The following TAGLN variants were observed in gnomAD, a reference collection of about 807,000 sequenced individuals.
TAGLN encodes the protein transgelin, also known as 22 kDa actin-binding protein.
Under a neutral mutation model 21.9 loss-of-function variants are expected in TAGLN, and 16 were observed. That is an observed-to-expected ratio of 0.73 (90% CI 0.49 to 1.11). The LOEUF (loss-of-function observed/expected upper bound fraction) is 1.11, where lower values mean the gene tolerates loss of function less well. Among genes scored for constraint, TAGLN ranks in the 50% least tolerant of loss-of-function variants. The probability of loss-of-function intolerance (pLI) is 0.00; values close to 1 mark genes in which losing one functional copy is unlikely to be tolerated. For missense variants in TAGLN, 248 were observed against 263.2 expected, an observed-to-expected ratio of 0.94 and a Z score of 0.40; for synonymous variants, 96 against 94.9, an observed-to-expected ratio of 1.01 and a Z score of -0.06.
intron 1 of TAGLN, chr11:117,201,856 G>A (rs1180143512): frequency 1.3e-5 from 2 of 152,344 alleles, no homozygotes; most frequent in Non-Finnish European, 1.5e-5. Flanking sequence ...GGATGGGTTC[G>A]GCTTCCTTTG....
chr11:117,204,353 CAGTT>C lies in TAGLN; in HGVS notation c.603_606del (p.Ser201ArgfsTer39), dbSNP rs761312959. ...GCTACGGACGACCTCGGCAGATCAT[CAGTT>C]AGAGCGGAGAGGGCTAGCCCTGAGC... On this transcript the variant is annotated frameshift_variant and stop_lost, in exon 5 of 5. Transcript: ENST00000392951. LOFTEE classifies it high-confidence loss of function. 16 of 1,614,124 alleles carry C rather than the reference CAGTT, an allele frequency of 9.9e-6. No homozygotes were observed. Among genetic ancestry groups the C allele is most frequent in the Non-Finnish European group, 1.4e-5 (16 of 1,180,052 alleles).
Position 117,203,351 on chromosome 11 carries a change from G to C in TAGLN, c.225G>C (p.Lys75Asn). The C allele has an allele frequency of 6.2e-7, 1 of 1,614,220 alleles. No individual in the cohort carries two copies. Among genetic ancestry groups the C allele is most frequent in the Non-Finnish European group, 8.5e-7 (1 of 1,180,038 alleles). ...LVNSLYPDGSKPVKVPENPPS... is the reference protein window; with the variant it reads ...LVNSLYPDGSNPVKVPENPPS... ...ACAGCCTGTACCCTGATGGCTCCAAGCCGGTGAAGGTGCCCGAGAACCCAC... is the reference window on the plus strand; with the variant it reads ...ACAGCCTGTACCCTGATGGCTCCAACCCGGTGAAGGTGCCCGAGAACCCAC... Residue 75 changes from lysine (K) to asparagine (N), a missense_variant, in exon 3 of 5, where the codon AAG becomes AAC. Lys to Asn is a moderately conservative substitution (Grantham distance 94, BLOSUM62 0). Coordinates refer to ENST00000392951, the MANE Select transcript of TAGLN (RefSeq NM_003186.5). This position sits in a 1 kb window ranked among gnomAD's most constrained non-coding sequence, Gnocchi z 4.4.
chr11:117,206,186 C>T lies in TAGLN; in HGVS notation c.*1827C>T. The T allele has an allele frequency of 1.9e-6, 3 of 1,613,990 alleles. No homozygotes were observed. The highest frequency in any genetic ancestry group is 2.5e-6 in the Non-Finnish European group (3 of 1,179,936). On this transcript the variant is annotated 3_prime_UTR_variant, in exon 5 of 5. Coordinates refer to ENST00000392951, the MANE Select transcript of TAGLN (RefSeq NM_003186.5). ...CTGGATCCTTGCTGCTGCAAAGTGG[C>T]ACTGATTCTAGCTCTGTCCCTTCCT...
Position 117,204,659 on chromosome 11 carries a change from G to A in TAGLN, c.*300G>A, listed in dbSNP as rs973367737. The A allele has an allele frequency of 2.0e-6, 1 of 488,342 alleles. No individual in the cohort carries two copies. 30.3% of individuals were successfully genotyped at this position (488,342 alleles called of 1,614,324 possible). A position where few individuals can be genotyped will look rare whatever the true frequency, so the allele number is the denominator to read the frequency against. Reference sequence around the variant, plus strand: ...AGCGGGCTGGGGGTAGCCTGGATGTGGGCCAAGTCCACTGTCCTCCTTGGC... The same window carrying A: ...AGCGGGCTGGGGGTAGCCTGGATGTAGGCCAAGTCCACTGTCCTCCTTGGC... On this transcript the variant is annotated 3_prime_UTR_variant, in exon 5 of 5. Coordinates refer to ENST00000392951, the MANE Select transcript of TAGLN (RefSeq NM_003186.5).
chr11:117,201,412 A>G (rs1435630121), intron 1 of TAGLN: 1 of 152,202 alleles, frequency 6.6e-6, no homozygotes, highest in Admixed American at 6.5e-5. Context: ...GGCAGCAAAG[A>G]ACTGACATTT....
rs2239678 is a variant in TAGLN at position 117,199,880 on chromosome 11, C to T, written c.-13+448C>T. The T allele has an allele frequency of 0.07, 10,608 of 152,314 alleles. 404 individuals are homozygous for T. The highest frequency in any genetic ancestry group is 0.11 in the Middle Eastern group (33 of 296). 9.4% of individuals were successfully genotyped at this position (152,314 alleles called of 1,614,324 possible). On this transcript the variant is annotated intron_variant, in intron 1 of 4. Transcript: ENST00000392951. Reference sequence around the variant, plus strand: ...GTTGGAGCACGGTGTCCCACTCTGGCGGGTCCCCAGGGCCTGAGCAGCAGC... The same window carrying T: ...GTTGGAGCACGGTGTCCCACTCTGGTGGGTCCCCAGGGCCTGAGCAGCAGC...
In TAGLN at chr11:117,205,598, A is replaced by G. The variant is rs2031320462; in HGVS notation, c.*1239A>G. The G allele has an allele frequency of 2.9e-5, 7 of 242,336 alleles. No individual in the cohort carries two copies. The highest frequency in any genetic ancestry group is 1.6e-5 in the Non-Finnish European group (2 of 124,614). 15.0% of individuals were successfully genotyped at this position (242,336 alleles called of 1,614,324 possible). ...CCTCTACCCCGAAGTCCTCTTCCCA[A>G]GTGACCCCAGTGATGTTTCCATTGA... On this transcript the variant is annotated 3_prime_UTR_variant, in exon 5 of 5. Transcript: ENST00000392951.
At position 117,204,583 on chromosome 11, in the gene TAGLN, C is replaced by T. The variant is rs1379424670; in HGVS notation, c.*224C>T. On this transcript the variant is annotated 3_prime_UTR_variant, in exon 5 of 5. Coordinates refer to ENST00000392951, the MANE Select transcript of TAGLN (RefSeq NM_003186.5). ...CATCACTGCCTTGGCCCCTCCCTCC[C>T]GGCTGCCCCCATCACCTCTACTGTC... 17 of 676,310 alleles carry T rather than the reference C, an allele frequency of 2.5e-5. No homozygotes were observed. The highest frequency in any genetic ancestry group is 7.0e-5 in the African/African-American group (4 of 57,004). The allele number at this position is 676,310 out of a possible 1,614,324, so 41.9% of individuals were successfully genotyped here. A position where few individuals can be genotyped will look rare whatever the true frequency, so the allele number is the denominator to read the frequency against.
Position 117,203,188 on chromosome 11 carries a change from G to A in TAGLN, c.175G>A (p.Gly59Ser), listed in dbSNP as rs1200991665. The A allele has an allele frequency of 6.3e-7, 1 of 1,589,544 alleles. No homozygotes were observed. The highest frequency in any genetic ancestry group is 8.6e-7 in the Non-Finnish European group (1 of 1,165,018). ...GGGCTTCCAGGTCTGGCTGAAGAAT[G>A]GCGTGGTGAGTGGCACCCTGGGCTA... ...RLGFQVWLKN[G>S]VILSKLVNSL... The change falls in exon 2 of 5, where the codon GGC becomes AGC. Residue 59 changes from glycine to serine, a missense_variant. Gly to Ser is a moderately conservative substitution (Grantham distance 56). Coordinates refer to ENST00000392951, the MANE Select transcript of TAGLN (RefSeq NM_003186.5). This position sits in a 1 kb window ranked among gnomAD's most constrained non-coding sequence, Gnocchi z 4.4.
chr11:117,204,550 C>A lies in TAGLN; in HGVS notation c.*191C>A. On this transcript the variant is annotated 3_prime_UTR_variant, in exon 5 of 5. Transcript: ENST00000392951. ...CCCCCAGCCTCAGCCCAACTTCTTA[C>A]CCGAAAGCATCACTGCCTTGGCCCC... 1.2e-6 allele frequency: 1 copy of A among 846,880 alleles called. No individual in the cohort carries two copies. Among genetic ancestry groups the A allele is most frequent in the Non-Finnish European group, 1.9e-6 (1 of 522,112 alleles). The allele number at this position is 846,880 out of a possible 1,614,324, so 52.5% of individuals were successfully genotyped here. A position where few individuals can be genotyped will look rare whatever the true frequency, so the allele number is the denominator to read the frequency against.
At chr11:117,201,602 C>T (rs2031096822) in intron 1 of TAGLN, 1 of 152,268 alleles carries the variant, frequency 6.6e-6, no homozygotes, top group Non-Finnish European at 1.5e-5. Flanking sequence ...GGTAACATAA[C>T]CCCCACTTCA....
rs1454318217 is a variant in TAGLN, at chr11:117,206,648, A to G, written c.*2289A>G. On this transcript the variant is annotated 3_prime_UTR_variant, in exon 5 of 5. Coordinates refer to ENST00000392951, the MANE Select transcript of TAGLN (RefSeq NM_003186.5). ...TCCATCCCCCAGACAGGACAGTCCCATCTACCCGCAGCTTGAGTCTTGGCC... is the reference window on the plus strand; with the variant it reads ...TCCATCCCCCAGACAGGACAGTCCCGTCTACCCGCAGCTTGAGTCTTGGCC... 4.8e-6 allele frequency: 3 copies of G among 624,474 alleles called. No individual in the cohort carries two copies. Among genetic ancestry groups the G allele is most frequent in the African/African-American group, 1.9e-5 (1 of 52,612 alleles). The allele number at this position is 624,474 out of a possible 1,614,324, so 38.7% of individuals were successfully genotyped here.
At chr11:117,202,790 A>G (rs1007353896) in intron 1 of TAGLN, 12 of 424,778 alleles carry the variant, frequency 2.8e-5, no homozygotes, top group Non-Finnish European at 5.0e-5. Context: ...CCTGCTCTAG[A>G]CCTCCAAAGA....
rs999044499 is a variant in TAGLN, at chr11:117,199,415, G to C, written c.-30G>C. ...GACACAAGTCTTCACTCCTTCCTGCGAGCCCTGAGGAAGCCTTGTGAGTGC... is the reference window on the plus strand; with the variant it reads ...GACACAAGTCTTCACTCCTTCCTGCCAGCCCTGAGGAAGCCTTGTGAGTGC... On this transcript the variant is annotated 5_prime_UTR_variant, in exon 1 of 5. Transcript: ENST00000392951. The C allele has an allele frequency of 2.0e-5, 3 of 152,344 alleles. No individual in the cohort carries two copies. The highest frequency in any genetic ancestry group is 4.4e-5 in the Non-Finnish European group (3 of 68,138). The allele number at this position is 152,344 out of a possible 1,614,324, so 9.4% of individuals were successfully genotyped here.
chr11:117,199,744 C>G (rs2031005811), intron 1 of TAGLN: 1 of 152,348 alleles, frequency 6.6e-6, no homozygotes, highest in African/African-American at 2.4e-5. Flanking sequence ...CAGCCACATC[C>G]ACAAGGTGTG....
chr11:117,203,724 C>A lies in TAGLN; in HGVS notation c.359-58C>A. 1 of 1,548,742 alleles carries A rather than the reference C, an allele frequency of 6.5e-7. No homozygotes were observed. The highest frequency in any genetic ancestry group is 8.9e-7 in the Non-Finnish European group (1 of 1,123,990). On this transcript the variant is annotated intron_variant, in intron 3 of 4. Coordinates refer to ENST00000392951, the MANE Select transcript of TAGLN (RefSeq NM_003186.5). This position sits in a 1 kb window ranked among gnomAD's most constrained non-coding sequence, Gnocchi z 4.4. ...TGTGAGAGACGGGGGCAGGCCCTGG[C>A]TTGGAGTCTTGTTTATACGTTCTTG...
intron 1 of TAGLN, chr11:117,202,339 G>C (rs896997761): frequency 6.6e-6 from 1 of 152,266 alleles, no homozygotes; most frequent in Non-Finnish European, 1.5e-5. Context: ...AGTCTCTTCA[G>C]CTGCAGACCA....
At position 117,204,306 on chromosome 11, in the gene TAGLN, G is replaced by GC; in HGVS notation, c.555dup (p.Ser186LeufsTer39). The GC allele has an allele frequency of 6.2e-7, 1 of 1,614,234 alleles. No homozygotes were observed. The highest frequency in any genetic ancestry group is 1.1e-5 in the South Asian group (1 of 91,088). Reference sequence around the variant, plus strand: ...CCTTCAGATGGGCAGCAACAGAGGGGCCTCCCAGGCCGGCATGACAGGCTA... The same window carrying GC: ...CCTTCAGATGGGCAGCAACAGAGGGGCCCTCCCAGGCCGGCATGACAGGCTA... On this transcript the variant is annotated frameshift_variant, in exon 5 of 5. Coordinates refer to ENST00000392951, the MANE Select transcript of TAGLN (RefSeq NM_003186.5). LOFTEE classifies it high-confidence loss of function.
At position 117,204,202 on chromosome 11, in the gene TAGLN, C is replaced by A. The variant is rs1357170980; in HGVS notation, c.462-13C>A. ...GTTCTACCAAGTCTTTATCCTGGTT[C>A]CTCCTCTTCTAGGAAAGCGCAGGAG... On this transcript the variant is annotated splice_polypyrimidine_tract_variant and intron_variant, in intron 4 of 4. Transcript: ENST00000392951. 1.9e-6 allele frequency: 3 copies of A among 1,613,742 alleles called. No homozygotes were observed. The East Asian group carries it at 6.7e-5, about 36-fold the overall frequency.
Sources: allele counts gnomAD v4.1 joint callset, GRCh38; gene constraint gnomAD v4.1.1; non-coding constraint Gnocchi (gnomAD v3.1); transcripts MANE v1.5; gene names NCBI Gene and HGNC (gene_info 2026-07-23, HGNC 2026-07-21).